The following DYNC1I2 variants were observed in gnomAD, a reference collection of about 807,000 sequenced individuals.
DYNC1I2 encodes the protein dynein cytoplasmic 1 intermediate chain 2.
DYNC1I2 carries 53 observed loss-of-function variants against 88.6 expected under a neutral mutation model. That is an observed-to-expected ratio of 0.60 (90% CI 0.48 to 0.75). DYNC1I2 has a LOEUF of 0.75. DYNC1I2 is among the 30% of genes least tolerant of loss of function. The probability of loss-of-function intolerance (pLI) is 0.00; values close to 1 mark genes in which losing one functional copy is unlikely to be tolerated. For missense variants in DYNC1I2, 458 were observed against 766.6 expected, an observed-to-expected ratio of 0.60 and a Z score of 4.75; for synonymous variants, 198 against 254.6, an observed-to-expected ratio of 0.78 and a Z score of 2.12.
chr2:171,699,178 G>A (rs1331987167), intron 3 of DYNC1I2, among the ~76,000 whole-genome samples: 1 of 152,012 alleles, frequency 6.6e-6, no homozygotes, highest in Non-Finnish European at 1.5e-5. Flanking sequence ...ATGGTGGCAG[G>A]CACCTGTAAT....
intron 15 of DYNC1I2, among the ~76,000 whole-genome samples, chr2:171,734,629 A>G (rs1194908981): frequency 6.6e-6 from 1 of 152,216 alleles, no homozygotes; most frequent in Non-Finnish European, 1.5e-5. Flanking sequence ...TAAATGCCTA[A>G]GGACCCTCTG....
chr2:171,747,384 C>T (rs1296283905), intron 17 of DYNC1I2, among the ~76,000 whole-genome samples: 1 of 151,618 alleles, frequency 6.6e-6, no homozygotes, highest in Non-Finnish European at 1.5e-5. Context: ...TTACAAGAAA[C>T]GAGCCCCCTT....
chr2:171,722,181 A>G (rs139636430), intron 7 of DYNC1I2, among the ~76,000 whole-genome samples: 187 of 152,286 alleles, frequency 1.2e-3, no homozygotes, highest in African/African-American at 4.3e-3. Context: ...TATTCCAACA[A>G]CTGGAATTTC....
intron 15 of DYNC1I2, among the ~76,000 whole-genome samples, chr2:171,741,248 A>C (rs1004809623): frequency 6.6e-6 from 1 of 152,130 alleles, no homozygotes; most frequent in African/African-American, 2.4e-5. Context: ...GGCTATTATG[A>C]ATCATGCTGC....
At chr2:171,725,883 C>A in intron 8 of DYNC1I2, 36 bp from the exon 9 acceptor site, 1 of 1,536,474 alleles carries the variant, frequency 6.5e-7, no homozygotes, top group Non-Finnish European at 8.7e-7. Context: ...ATTTGCCTGA[C>A]ATAAATCATA....
At chr2:171,707,587 T>G (rs1398979397) in intron 5 of DYNC1I2, among the ~76,000 whole-genome samples, 2 of 152,206 alleles carry the variant, frequency 1.3e-5, no homozygotes, top group Non-Finnish European at 2.9e-5. Context: ...CACATTTAAT[T>G]AACTTAGTAC....
intron 6 of DYNC1I2, among the ~76,000 whole-genome samples, chr2:171,713,456 AT>A (rs1358456082): frequency 6.8e-6 from 1 of 146,538 alleles, no homozygotes; most frequent in Non-Finnish European, 1.5e-5. Flanking sequence ...TTTTTGGCAT[AT>A]TTTCTTAGTG....
chr2:171,725,890 C>T, intron 8 of DYNC1I2, 29 bp from the exon 9 acceptor site: 1 of 1,548,716 alleles, frequency 6.5e-7, no homozygotes, highest in Non-Finnish European at 8.7e-7. Flanking sequence ...TGACATAAAT[C>T]ATACTTCAAA....
intron 1 of DYNC1I2, among the ~76,000 whole-genome samples, chr2:171,688,876 T>A (rs1286707156): frequency 1.3e-5 from 2 of 152,184 alleles, no homozygotes; most frequent in Non-Finnish European, 2.9e-5. Context: ...CTAGTTTTCT[T>A]GATCTAAAGC....
In DYNC1I2 at chr2:171,690,138, G is replaced by A; in HGVS notation, c.-9-9G>A. The A allele has an allele frequency of 6.6e-7, 1 of 1,512,328 alleles. No individual in the cohort carries two copies. The highest frequency in any genetic ancestry group is 1.3e-5 in the South Asian group (1 of 79,194). 93.7% of individuals were successfully genotyped at this position (1,512,328 alleles called of 1,614,324 possible). ...GCTTTTACTAACATAATGATTATAT[G>A]TTTCTAAGGTCACAAACATGTCAGA... is the stretch of plus-strand genomic sequence containing the variant. On this transcript the variant is annotated splice_polypyrimidine_tract_variant and intron_variant, in intron 1 of 17. Coordinates refer to ENST00000397119, the MANE Select transcript of DYNC1I2 (RefSeq NM_001378.3).
At chr2:171,711,091 T>A (rs1298241748) in intron 5 of DYNC1I2, among the ~76,000 whole-genome samples, 2 of 151,250 alleles carry the variant, frequency 1.3e-5, no homozygotes, top group Non-Finnish European at 2.9e-5. Flanking sequence ...ATTGTTCAAT[T>A]CCCACCTGTG....
At chr2:171,707,741 G>C (rs1486497443) in intron 5 of DYNC1I2, among the ~76,000 whole-genome samples, 9 of 152,180 alleles carry the variant, frequency 5.9e-5, no homozygotes, top group Non-Finnish European at 8.8e-5. Context: ...TCTTGTGCTT[G>C]ATTCCCCATT....
intron 3 of DYNC1I2, among the ~76,000 whole-genome samples, chr2:171,702,988 A>T (rs528705111): frequency 6.6e-6 from 1 of 152,154 alleles, no homozygotes; most frequent in Non-Finnish European, 1.5e-5. Context: ...ACCTTCCAAG[A>T]TGCTGGGATT....
At chr2:171,705,387 G>T (rs1442032302) in intron 3 of DYNC1I2, among the ~76,000 whole-genome samples, 1 of 152,170 alleles carries the variant, frequency 6.6e-6, no homozygotes, top group Admixed American at 6.5e-5. Flanking sequence ...ATCACAAATA[G>T]ATTGATGGGA....
intron 15 of DYNC1I2, among the ~76,000 whole-genome samples, chr2:171,741,348 C>G (rs888713597): frequency 6.6e-6 from 1 of 152,144 alleles, no homozygotes; most frequent in African/African-American, 2.4e-5. Flanking sequence ...TTTTGAGGAG[C>G]TGCCAAACTG....
intron 7 of DYNC1I2, among the ~76,000 whole-genome samples, chr2:171,721,221 C>T (rs1223508410): frequency 6.6e-6 from 1 of 151,624 alleles, no homozygotes; most frequent in East Asian, 1.9e-4. Flanking sequence ...TATTTTCCCC[C>T]CAAGTTAGCA....
At chr2:171,714,276 A>T (rs532894323) in intron 6 of DYNC1I2, among the ~76,000 whole-genome samples, 1 of 145,506 alleles carries the variant, frequency 6.9e-6, no homozygotes, top group East Asian at 2.0e-4. Flanking sequence ...TTAATTTTTA[A>T]AATGTACTAA....
chr2:171,745,989 C>A (rs1323885237), intron 17 of DYNC1I2, 62 bp downstream of exon 17: 1 of 1,584,852 alleles, frequency 6.3e-7, no homozygotes, highest in African/African-American at 1.3e-5. Flanking sequence ...GTAAAGGCAT[C>A]TTTGTGGCTA....
intron 15 of DYNC1I2, among the ~76,000 whole-genome samples, chr2:171,735,917 C>T (rs1337979635): frequency 4.6e-5 from 7 of 152,096 alleles, no homozygotes; most frequent in Admixed American, 4.6e-4. Flanking sequence ...ACCATATTTA[C>T]CATAAAATGA....
Sources: allele counts gnomAD v4.1 joint callset (sites outside exome capture counted in the v4.1 genomes callset), GRCh38; gene constraint gnomAD v4.1.1; transcripts MANE v1.5; gene names NCBI Gene and HGNC (gene_info 2026-07-23, HGNC 2026-07-21).